Variants in ACVR1C observed in about 807,000 individuals in gnomAD.
ACVR1C encodes activin A receptor type 1C.
A neutral mutation model predicts 57.9 loss-of-function variants in ACVR1C; 23 were observed. The observed-to-expected ratio is 0.40, with a 90% CI of 0.29 to 0.56. The LOEUF (loss-of-function observed/expected upper bound fraction) is 0.56. ACVR1C is among the 20% of genes least tolerant of loss of function. The probability of loss-of-function intolerance (pLI) is 0.50; values close to 1 mark genes in which losing one functional copy is unlikely to be tolerated. For synonymous variants in ACVR1C, 214 were observed against 215.3 expected (o/e 0.99, Z 0.05); for missense variants, 480 against 607.9 (o/e 0.79, Z 2.21).
intron 1 of ACVR1C, among the ~76,000 whole-genome samples, chr2:157,620,600 G>A (rs1019497174): frequency 6.6e-5 from 10 of 151,884 alleles, no homozygotes; most frequent in African/African-American, 2.4e-4. Flanking sequence ...ATTTATATTT[G>A]TTGTTTTTAA....
chr2:157,553,821 C>G (rs1281232629), intron 3 of ACVR1C, among the ~76,000 whole-genome samples: 1 of 152,074 alleles, frequency 6.6e-6, no homozygotes, highest in South Asian at 2.1e-4. Flanking sequence ...GAAATCAGGG[C>G]ACAGTGGGCC....
Position 157,533,119 on chromosome 2 carries a change from G to T in ACVR1C, c.*799C>A, listed in dbSNP as rs934399407. On this transcript the variant is annotated 3_prime_UTR_variant, in exon 9 of 9. Coordinates refer to ENST00000243349, the MANE Select transcript of ACVR1C (RefSeq NM_145259.3). ...ATATCATAATAAAAGATATTACATA[G>T]GGAGAAAAGCACTATTCAAGGGAAA... is the stretch of plus-strand genomic sequence containing the variant. 2.6e-5 allele frequency: 4 copies of T among 152,098 alleles called. No homozygotes were observed. The highest frequency in any genetic ancestry group is 9.7e-5 in the African/African-American group (4 of 41,410). The allele number at this position is 152,098 out of a possible 1,614,324, so 9.4% of individuals were successfully genotyped here.
intron 1 of ACVR1C, among the ~76,000 whole-genome samples, chr2:157,616,554 G>A (rs1032157470): frequency 6.6e-6 from 1 of 151,966 alleles, no homozygotes; most frequent in African/African-American, 2.4e-5. Flanking sequence ...AGGTTCTATT[G>A]AGTGCTCTGT....
Position 157,538,590 on chromosome 2 carries a change from G to C in ACVR1C, c.1339C>G (p.Gln447Glu). Residue 447 changes from glutamine (Q) to glutamate (E), a missense_variant, in exon 8 of 9, where the codon CAG becomes GAG. Physicochemically the swap from Gln to Glu is conservative, Grantham distance 29 (BLOSUM62 2). Transcript: ENST00000243349. ...DQKFRPSIPN[Q>E]WQSCEALRVM... ...GGCCTTACTTCACAACTTTGCCACT[G>C]GTTTGGGATACTTGGTCGAAACTTC... 1 of 1,573,586 alleles carries C rather than the reference G, an allele frequency of 6.4e-7. No individual in the cohort carries two copies. Among genetic ancestry groups the C allele is most frequent in the South Asian group, 1.2e-5 (1 of 82,062 alleles).
In ACVR1C at chr2:157,527,478, C is replaced by T. The variant is rs903170454; in HGVS notation, c.*6440G>A. ...ATGTTCTTAGGTATAAGAAGAGTCACGCTACCAAAAGAAAAGTATAATTAG... is the reference window on the plus strand; with the variant it reads ...ATGTTCTTAGGTATAAGAAGAGTCATGCTACCAAAAGAAAAGTATAATTAG... On this transcript the variant is annotated 3_prime_UTR_variant, in exon 9 of 9. Transcript: ENST00000243349. The T allele has an allele frequency of 6.6e-6, 1 of 152,112 alleles. No individual in the cohort carries two copies. Among genetic ancestry groups the T allele is most frequent in the African/African-American group, 2.4e-5 (1 of 41,418 alleles). 9.4% of individuals were successfully genotyped at this position (152,112 alleles called of 1,614,324 possible).
chr2:157,628,582 C>A lies in ACVR1C; in HGVS notation c.63G>T (p.Glu21Asp). The change falls in exon 1 of 9, where the codon GAG becomes GAT. Residue 21 changes from glutamate (E) to aspartate (D), a missense_variant. Physicochemically the swap from Glu to Asp is conservative, Grantham distance 45 (BLOSUM62 2). Transcript: ENST00000243349. Reference protein sequence around the residue: ...QALLLLAAAAELSPGLKCVCL... With the variant: ...QALLLLAAAADLSPGLKCVCL... ...AAACCAGCACCGTACCTGGCGAGAG[C>A]TCGGCGGCCGCTGCGAGCAGCAGGA... The A allele has an allele frequency of 6.2e-7, 1 of 1,607,440 alleles. No individual in the cohort carries two copies. Among genetic ancestry groups the A allele is most frequent in the Non-Finnish European group, 8.5e-7 (1 of 1,177,592 alleles).
chr2:157,602,597 AGAGTT>A, intron 1 of ACVR1C, among the ~76,000 whole-genome samples: 1 of 152,310 alleles, frequency 6.6e-6, no homozygotes, highest in Middle Eastern at 3.4e-3. Flanking sequence ...AACTTCCATT[AGAGTT>A]ATTATTCACA....
intron 2 of ACVR1C, among the ~76,000 whole-genome samples, chr2:157,577,394 T>C (rs1266583718): frequency 1.3e-5 from 2 of 152,166 alleles, no homozygotes; most frequent in African/African-American, 4.8e-5. Context: ...TCTCTATTTA[T>C]CCTTATAGAT....
chr2:157,562,054 T>C (rs1688241801), intron 2 of ACVR1C, among the ~76,000 whole-genome samples: 1 of 152,136 alleles, frequency 6.6e-6, no homozygotes, highest in Admixed American at 6.5e-5. Context: ...CCTGGCACTT[T>C]GGGAGGCCGA....
At chr2:157,558,878 G>C (rs1261446350) in intron 2 of ACVR1C, among the ~76,000 whole-genome samples, 1 of 152,072 alleles carries the variant, frequency 6.6e-6, no homozygotes, top group African/African-American at 2.4e-5. Flanking sequence ...CTGCACAAAG[G>C]TATTCTAGTT....
At chr2:157,614,835 T>C (rs532859787) in intron 1 of ACVR1C, among the ~76,000 whole-genome samples, 8 of 152,330 alleles carry the variant, frequency 5.3e-5, no homozygotes, top group African/African-American at 1.9e-4. Flanking sequence ...GTGCATGGTA[T>C]AATTTTTTCC....
At chr2:157,623,943 A>G (rs1682841241) in intron 1 of ACVR1C, among the ~76,000 whole-genome samples, 1 of 151,864 alleles carries the variant, frequency 6.6e-6, no homozygotes, top group Admixed American at 6.6e-5. Flanking sequence ...TACATAGCAC[A>G]CTCTTTATGC....
chr2:157,554,389 A>T (rs1307055446), intron 3 of ACVR1C, among the ~76,000 whole-genome samples: 1 of 150,930 alleles, frequency 6.6e-6, no homozygotes, highest in Non-Finnish European at 1.5e-5. Context: ...GGAGGGAAGG[A>T]AGGAAGGAAG....
chr2:157,538,474 A>C (rs753714898), intron 8 of ACVR1C, 99 bp downstream of exon 8: 3 of 1,164,902 alleles, frequency 2.6e-6, no homozygotes, highest in Non-Finnish European at 3.4e-6. Context: ...GTCTACATAT[A>C]TGGAATGAAT....
At chr2:157,619,641 T>C (rs1682722799) in intron 1 of ACVR1C, among the ~76,000 whole-genome samples, 1 of 152,010 alleles carries the variant, frequency 6.6e-6, no homozygotes, top group Non-Finnish European at 1.5e-5. Context: ...GGATAAACTC[T>C]GACCCTTTGA....
At chr2:157,550,974 C>A (rs1454101212) in intron 3 of ACVR1C, among the ~76,000 whole-genome samples, 6 of 151,992 alleles carry the variant, frequency 3.9e-5, no homozygotes, top group African/African-American at 2.4e-5. Context: ...GAAAATATAT[C>A]CTGAATGTAT....
intron 2 of ACVR1C, among the ~76,000 whole-genome samples, chr2:157,573,424 A>G (rs1688570998): frequency 6.6e-6 from 1 of 152,208 alleles, no homozygotes; most frequent in African/African-American, 2.4e-5. Context: ...TAATGGCATT[A>G]TTAAAATAGT....
intron 2 of ACVR1C, among the ~76,000 whole-genome samples, chr2:157,582,971 T>G (rs764534337): frequency 6.6e-6 from 1 of 152,194 alleles, no homozygotes; most frequent in Non-Finnish European, 1.5e-5. Context: ...AACCTCTGCC[T>G]CCTGGGTTCC....
At chr2:157,554,950 G>T (rs926479169) in intron 3 of ACVR1C, among the ~76,000 whole-genome samples, 1 of 151,774 alleles carries the variant, frequency 6.6e-6, no homozygotes, top group Non-Finnish European at 1.5e-5. Context: ...TAGGGAGTTT[G>T]TTATTCTGGG....
Sources: allele counts gnomAD v4.1 joint callset (sites outside exome capture counted in the v4.1 genomes callset), GRCh38; gene constraint gnomAD v4.1.1; transcripts MANE v1.5; gene names NCBI Gene and HGNC (gene_info 2026-07-23, HGNC 2026-07-21).